HAP1: variants seen among roughly 807,000 people sequenced by gnomAD.
The protein encoded by HAP1 is huntingtin-associated protein 1.
Under a neutral mutation model 60.3 loss-of-function variants are expected in HAP1, and 59 were observed. The observed-to-expected ratio is 0.98, with a 90% CI of 0.79 to 1.22. The LOEUF (loss-of-function observed/expected upper bound fraction) is 1.22. Ranked by LOEUF, HAP1 falls within the 50% of genes most tolerant of loss-of-function variation. The pLI is 0.00. For synonymous variants in HAP1, 346 were observed against 330.6 expected, an observed-to-expected ratio of 1.05 and a Z score of -0.50; for missense variants, 825 against 785.3, an observed-to-expected ratio of 1.05 and a Z score of -0.60.
downstream of HAP1, among the ~76,000 whole-genome samples, chr17:41,718,615 G>A (rs147902413): frequency 3.5e-4 from 53 of 152,358 alleles, no homozygotes; most frequent in African/African-American, 7.9e-4. Context: ...TATGGAAAAC[G>A]AATGGTAGAT....
rs781820890 is a variant in HAP1 at position 41,734,642 on chromosome 17, C to G, written c.-8G>C. The G allele has an allele frequency of 1.4e-6, 2 of 1,470,690 alleles. No individual in the cohort carries two copies. Among genetic ancestry groups the G allele is most frequent in the South Asian group, 1.3e-5 (1 of 74,680 alleles). 91.1% of individuals were successfully genotyped at this position (1,470,690 alleles called of 1,614,324 possible). ...CAACCTCTTCGGGCGCATCTCGAGT[C>G]TGCCGTCCGCTGCTGCGGCGGGACC... On this transcript the variant is annotated 5_prime_UTR_variant, in exon 1 of 11. Transcript: ENST00000347901.
intron 7 of HAP1, 58 bp from the exon 8 acceptor site, chr17:41,727,894 C>G: frequency 9.4e-7 from 1 of 1,062,092 alleles, no homozygotes; most frequent in Non-Finnish European, 1.4e-6. Context: ...CAGGGCACCC[C>G]CTGCTTCCAG....
intron 7 of HAP1, 126 bp from the exon 8 acceptor site, chr17:41,727,962 C>T (rs375155616): frequency 2.2e-5 from 16 of 717,178 alleles, no homozygotes; most frequent in South Asian, 6.8e-5. Flanking sequence ...ACAAGTCACA[C>T]GGAAGGAGGG....
At position 41,731,488 on chromosome 17, in the gene HAP1, C is replaced by A. The variant is rs576930154; in HGVS notation, c.1069+5G>T. 2 of 1,595,412 alleles carry A rather than the reference C, an allele frequency of 1.3e-6. No individual in the cohort carries two copies. The highest frequency in any genetic ancestry group is 4.5e-5 in the East Asian group (2 of 44,792). On this transcript the variant is annotated splice_donor_5th_base_variant and intron_variant, in intron 6 of 10. Transcript: ENST00000347901. ...CCCCCCACCCCGAGTGACAACATTA[C>A]GTACAAAACTGCTCCACACACTCCA...
At position 41,727,755 on chromosome 17, in the gene HAP1, G is replaced by A. The variant is rs782732646; in HGVS notation, c.1275+7C>T. 2 of 1,600,020 alleles carry A rather than the reference G, an allele frequency of 1.2e-6. No homozygotes were observed. The highest frequency in any genetic ancestry group is 1.1e-5 in the South Asian group (1 of 90,804). On this transcript the variant is annotated splice_region_variant and intron_variant, in intron 8 of 10. Coordinates refer to ENST00000347901, the MANE Select transcript of HAP1 (RefSeq NM_177977.3). ...GGGTGGGGGCAGAAGCCGGCAGCGA[G>A]ACTCACCTCTTCCTGGAGCTGCATC... is the stretch of plus-strand genomic sequence containing the variant.
Position 41,724,983 on chromosome 17 carries a change from C to T in HAP1, c.1578G>A (p.Val526=). 2 of 1,612,774 alleles carry T rather than the reference C, an allele frequency of 1.2e-6. No homozygotes were observed. The highest frequency in any genetic ancestry group is 1.7e-6 in the Non-Finnish European group (2 of 1,179,996). The change falls in exon 11 of 11, where the codon GTG becomes GTA. Residue 526 remains valine (V), a synonymous_variant. Transcript: ENST00000347901. ...CTGACACCAGCTCTGCCTCTTCCAT[C>T]ACCCCTTCCTCAGCCGGCACCTTCT... ...AAKKVPAEEG[V]MEEAELVSEE...
intron 7 of HAP1, 86 bp downstream of exon 7, chr17:41,728,115 C>G (rs1555589470): frequency 6.7e-7 from 1 of 1,486,164 alleles, no homozygotes; most frequent in African/African-American, 1.4e-5. Flanking sequence ...GGACCTCAGG[C>G]CTGGTGGAGC....
chr17:41,728,549 C>T (rs1346728706), intron 6 of HAP1, among the ~76,000 whole-genome samples: 1 of 152,220 alleles, frequency 6.6e-6, no homozygotes, highest in Non-Finnish European at 1.5e-5. Context: ...AAGACCCAGC[C>T]GCCACACTGA....
downstream of HAP1, chr17:41,721,506 TC>T (rs1477480397): frequency 1.1e-5 from 2 of 179,868 alleles, no homozygotes; most frequent in South Asian, 1.6e-4. Context: ...CTCCTGCATC[TC>T]CGTTTCCTTC....
At position 41,731,478 on chromosome 17, in the gene HAP1, G is replaced by T; in HGVS notation, c.1069+15C>A. ...CTTGGGACAACCCCCCACCCCGAGTGACAACATTACGTACAAAACTGCTCC... is the reference window on the plus strand; with the variant it reads ...CTTGGGACAACCCCCCACCCCGAGTTACAACATTACGTACAAAACTGCTCC... On this transcript the variant is annotated intron_variant, in intron 6 of 10. Coordinates refer to ENST00000347901, the MANE Select transcript of HAP1 (RefSeq NM_177977.3). The T allele has an allele frequency of 6.3e-7, 1 of 1,577,324 alleles. No homozygotes were observed. The highest frequency in any genetic ancestry group is 1.1e-5 in the South Asian group (1 of 90,380).
rs1555589323 is a variant in HAP1 at position 41,727,769 on chromosome 17, T to A, written c.1268A>T (p.Gln423Leu). The A allele has an allele frequency of 1.2e-6, 2 of 1,608,776 alleles. No homozygotes were observed. The highest frequency in any genetic ancestry group is 1.7e-6 in the Non-Finnish European group (2 of 1,176,138). Residue 423 changes from glutamine to leucine, a missense_variant, in exon 8 of 11, where the codon CAG (glutamine) becomes CTG (leucine). Physicochemically the swap from Gln to Leu is moderately radical, Grantham distance 113 (BLOSUM62 -2). Coordinates refer to ENST00000347901, the MANE Select transcript of HAP1 (RefSeq NM_177977.3). ...ASEKEIQMQL[Q>L]EEETLPGFQE... ...GCCGGCAGCGAGACTCACCTCTTCC[T>A]GGAGCTGCATCTGGATTTCCTTCTC...
downstream of HAP1, among the ~76,000 whole-genome samples, chr17:41,719,990 T>A (rs8067133): frequency 2.7e-5 from 4 of 149,594 alleles, no homozygotes; most frequent in African/African-American, 9.8e-5. Flanking sequence ...CCCGGGTTCA[T>A]GCCATTCTCC....
In HAP1 at chr17:41,724,765, C is replaced by A. The variant is rs1555588190; in HGVS notation, c.1796G>T (p.Gly599Val). The A allele has an allele frequency of 6.2e-7, 1 of 1,609,204 alleles. No individual in the cohort carries two copies. The highest frequency in any genetic ancestry group is 8.5e-7 in the Non-Finnish European group (1 of 1,176,750). The change falls in exon 11 of 11, where the codon GGT becomes GTT. Residue 599 changes from glycine (G) to valine (V), a missense_variant. Physicochemically the swap from Gly to Val is moderately radical, Grantham distance 109 (BLOSUM62 -3). Coordinates refer to ENST00000347901, the MANE Select transcript of HAP1 (RefSeq NM_177977.3). ...AGGGAGGGCCCCGTGGGGGCACTCA[C>A]CTTTCTGGAGCATCTTCCACCTCAG... ...RQLRWKMLQK[G>V]ECPHGALPAA...
At chr17:41,725,950 T>G (rs1911595509) in intron 9 of HAP1, 53 bp from the exon 10 acceptor site, 4 of 1,320,510 alleles carry the variant, frequency 3.0e-6, no homozygotes, top group Admixed American at 3.4e-5. Flanking sequence ...GAAACTGCAG[T>G]CCCTGGGGCT....
chr17:41,728,200 C>T lies in HAP1; in HGVS notation c.1200+1G>A. 1.2e-6 allele frequency: 2 copies of T among 1,610,730 alleles called. No homozygotes were observed. Among genetic ancestry groups the T allele is most frequent in the Non-Finnish European group, 1.7e-6 (2 of 1,179,982 alleles). ...GAGGGTTCCACACACACCCGACTCACCATCCGGCAGCGCTGCTGCAGCTTC... is the reference window on the plus strand; with the variant it reads ...GAGGGTTCCACACACACCCGACTCATCATCCGGCAGCGCTGCTGCAGCTTC... On this transcript the variant is annotated splice_donor_variant, in intron 7 of 10. Coordinates refer to ENST00000347901, the MANE Select transcript of HAP1 (RefSeq NM_177977.3). LOFTEE classifies it high-confidence loss of function.
In HAP1 at chr17:41,734,353, C is replaced by T. The variant is rs782027149; in HGVS notation, c.282G>A (p.Arg94=). Residue 94 remains arginine, a synonymous_variant, in exon 1 of 11, where the codon CGG becomes CGA. Coordinates refer to ENST00000347901, the MANE Select transcript of HAP1 (RefSeq NM_177977.3). ...GCGCGTCCGAATTGTCGGGCATAGA[C>T]CGGACATCCCCTTGGATGGCCGAGA... ...SAFSAIQGDV[R]SMPDNSDAPW... 1 of 1,608,876 alleles carries T rather than the reference C, an allele frequency of 6.2e-7. No homozygotes were observed. Among genetic ancestry groups the T allele is most frequent in the East Asian group, 2.2e-5 (1 of 44,734 alleles).
chr17:41,727,360 G>A, intron 8 of HAP1: 1 of 780,778 alleles, frequency 1.3e-6, no homozygotes, highest in South Asian at 1.3e-5. Flanking sequence ...TGCTGGCGGA[G>A]GGTCTTCACC....
intron 6 of HAP1, chr17:41,730,443 AG>A (rs1467046414): frequency 2.0e-5 from 3 of 152,198 alleles, no homozygotes; most frequent in Non-Finnish European, 4.4e-5. Flanking sequence ...GGCTGTGTGC[AG>A]AAGTTCCTGG....
At chr17:41,731,471 C>T in intron 6 of HAP1, 22 bp downstream of exon 6, 1 of 1,552,118 alleles carries the variant, frequency 6.4e-7, no homozygotes, top group East Asian at 2.2e-5. Flanking sequence ...AACCCCCCAC[C>T]CCGAGTGACA....
Sources: gnomAD v4.1 joint callset for allele counts (sites outside exome capture counted in the v4.1 genomes callset) on GRCh38, gnomAD v4.1.1 for gene constraint, MANE v1.5 for transcripts, NCBI Gene and HGNC (gene_info 2026-07-23, HGNC 2026-07-21) for gene names.